Variants in DSTYK observed in about 807,000 individuals in gnomAD.
DSTYK encodes RIP-homologous kinase.
A neutral mutation model predicts 98.7 loss-of-function variants in DSTYK; 34 were observed. The observed-to-expected ratio is 0.34, with a 90% CI of 0.26 to 0.46. The LOEUF is 0.46. DSTYK is among the 20% of genes least tolerant of loss of function. The probability of loss-of-function intolerance (pLI) is 1.00; values close to 1 mark genes in which losing one functional copy is unlikely to be tolerated. For synonymous variants in DSTYK, 462 were observed against 457.3 expected, an observed-to-expected ratio of 1.01 and a Z score of -0.13; for missense variants, 962 against 1,181.7, an observed-to-expected ratio of 0.81 and a Z score of 2.73.
intron 1 of DSTYK, among the ~76,000 whole-genome samples, chr1:205,200,041 T>C (rs145802115): frequency 6.6e-6 from 1 of 152,222 alleles, no homozygotes; most frequent in African/African-American, 2.4e-5. Flanking sequence ...TCAACTCTTA[T>C]TCTTTTTTTT....
At chr1:205,152,799 T>C (rs185903281) in intron 10 of DSTYK, among the ~76,000 whole-genome samples, 7 of 152,214 alleles carry the variant, frequency 4.6e-5, no homozygotes, top group Non-Finnish European at 7.4e-5. Context: ...TTTGGAGCAT[T>C]TTGGATTTGT....
chr1:205,163,115 A>G, intron 4 of DSTYK, 109 bp from the exon 5 acceptor site: 1 of 905,592 alleles, frequency 1.1e-6, no homozygotes, highest in Non-Finnish European at 1.8e-6. Context: ...GGGTTTCCAA[A>G]CTTACCCCTC....
At chr1:205,200,922 T>G (rs1050734747) in intron 1 of DSTYK, among the ~76,000 whole-genome samples, 3 of 151,922 alleles carry the variant, frequency 2.0e-5, no homozygotes, top group Non-Finnish European at 4.4e-5. Flanking sequence ...TTTTTTTTTT[T>G]GAGACAGAGT....
intron 1 of DSTYK, among the ~76,000 whole-genome samples, chr1:205,193,822 G>A (rs1314832351): frequency 6.7e-6 from 1 of 148,210 alleles, no homozygotes; most frequent in Admixed American, 6.8e-5. Flanking sequence ...AGTGAGCCGA[G>A]ATAGTGCCAC....
chr1:205,148,136 G>C (rs1657298119), intron 12 of DSTYK, 69 bp downstream of exon 12: 1 of 1,596,862 alleles, frequency 6.3e-7, no homozygotes, highest in African/African-American at 1.3e-5. Flanking sequence ...AGGAGACCCG[G>C]TGACATTGCC....
intron 10 of DSTYK, among the ~76,000 whole-genome samples, chr1:205,154,084 T>C (rs989955959): frequency 6.2e-4 from 90 of 144,906 alleles, no homozygotes; most frequent in African/African-American, 2.1e-3. Flanking sequence ...TGTGTGTGTG[T>C]GCATGTATAG....
chr1:205,149,205 G>GT lies in DSTYK; in HGVS notation c.2468-867dup, dbSNP rs74891716. The stretch of plus-strand genomic sequence containing the variant: ...CATGAGCCACCGCACCTGGCCGAAA[G>GT]TTTTTTTTTTTTTAAGTAAATCAAG... On this transcript the variant is annotated intron_variant, in intron 11 of 12. Coordinates refer to ENST00000367162, the MANE Select transcript of DSTYK (RefSeq NM_015375.3). Among the ~76,000 whole-genome samples, 1,373 of 146,442 alleles carry GT rather than the reference G, an allele frequency of 9.4e-3. 12 individuals carry two copies. Among genetic ancestry groups the GT allele is most frequent in the African/African-American group, 0.028 (1,112 of 39,880 alleles).
rs1657814177 is a variant in DSTYK, at chr1:205,164,020, T to C, written c.1325-65A>G. On this transcript the variant is annotated intron_variant, in intron 3 of 12. Coordinates refer to ENST00000367162, the MANE Select transcript of DSTYK (RefSeq NM_015375.3). ...GAAGGGGCAGACACACTAAATAAAG[T>C]CATCTCCCAAATCAGAACCATGGAA... 2.9e-6 allele frequency: 4 copies of C among 1,371,364 alleles called. No individual in the cohort carries two copies. The East Asian group carries it at 9.2e-5, about 32-fold the overall frequency. The allele number at this position is 1,371,364 out of a possible 1,614,324, so 84.9% of individuals were successfully genotyped here. A position where few individuals can be genotyped will look rare whatever the true frequency, so the allele number is the denominator to read the frequency against.
At chr1:205,200,861 C>G (rs1044311032) in intron 1 of DSTYK, among the ~76,000 whole-genome samples, 3 of 152,130 alleles carry the variant, frequency 2.0e-5, no homozygotes, top group African/African-American at 7.2e-5. Context: ...TGCAACTGCA[C>G]CTACTACTTG....
At chr1:205,172,459 C>G (rs1489475478) in intron 2 of DSTYK, among the ~76,000 whole-genome samples, 1 of 108,562 alleles carries the variant, frequency 9.2e-6, no homozygotes, top group Non-Finnish European at 2.4e-5. Context: ...GCCACTACGC[C>G]CAGCTAATTT....
intron 2 of DSTYK, among the ~76,000 whole-genome samples, chr1:205,180,317 T>C (rs1021606011): frequency 2.8e-5 from 4 of 142,238 alleles, no homozygotes; most frequent in Non-Finnish European, 4.6e-5. Flanking sequence ...CTTGTGTCCA[T>C]GTGTTCTCAT....
chr1:205,206,711 T>C (rs533634799), intron 1 of DSTYK, among the ~76,000 whole-genome samples: 1 of 151,374 alleles, frequency 6.6e-6, no homozygotes, highest in African/African-American at 2.4e-5. Flanking sequence ...GCCTCCTGAG[T>C]AGCTGGCATA....
chr1:205,178,603 C>G (rs1341005005), intron 2 of DSTYK, among the ~76,000 whole-genome samples: 1 of 152,158 alleles, frequency 6.6e-6, no homozygotes, highest in Non-Finnish European at 1.5e-5. Flanking sequence ...AGAACGTTCT[C>G]TCTAATAAGA....
At chr1:205,162,885 A>G in intron 5 of DSTYK, 38 bp downstream of exon 5, 1 of 1,493,844 alleles carries the variant, frequency 6.7e-7, no homozygotes, top group Non-Finnish European at 9.3e-7. Flanking sequence ...TGAGCCAACT[A>G]GGGGCTTTGA....
chr1:205,200,260 A>T (rs1411440465), intron 1 of DSTYK, among the ~76,000 whole-genome samples: 1 of 152,046 alleles, frequency 6.6e-6, no homozygotes, highest in East Asian at 1.9e-4. Context: ...CTAGTCTTGA[A>T]CTACTAACCT....
At chr1:205,211,064 A>T (rs1574811043) in intron 1 of DSTYK, among the ~76,000 whole-genome samples, 1 of 152,080 alleles carries the variant, frequency 6.6e-6, no homozygotes, top group African/African-American at 2.4e-5. Flanking sequence ...CCGGTCCCCC[A>T]GCGGGCCCCT....
chr1:205,148,293 G>C lies in DSTYK; in HGVS notation c.2514C>G (p.Phe838Leu). ...SVDVYAFGILFWYICSGSVKL... is the reference protein window; with the variant it reads ...SVDVYAFGILLWYICSGSVKL... ...TGACAGAGCCTGAGCAGATATACCAGAAAAGAATTCCAAAAGCGTAGACAT... is the reference window on the plus strand; with the variant it reads ...TGACAGAGCCTGAGCAGATATACCACAAAAGAATTCCAAAAGCGTAGACAT... Residue 838 changes from phenylalanine to leucine, a missense_variant, in exon 12 of 13, where the codon TTC (phenylalanine) becomes TTG (leucine). By Grantham distance (22) the Phe-to-Leu change is conservative. This residue lies in a region of DSTYK where 69 missense variants were observed against 142.9 expected (regional missense o/e 0.48). Coordinates refer to ENST00000367162, the MANE Select transcript of DSTYK (RefSeq NM_015375.3). 3.7e-6 allele frequency: 6 copies of C among 1,614,096 alleles called. No homozygotes were observed. The highest frequency in any genetic ancestry group is 4.2e-6 in the Non-Finnish European group (5 of 1,179,996).
chr1:205,202,953 T>G (rs1659085965), intron 1 of DSTYK, among the ~76,000 whole-genome samples: 1 of 152,108 alleles, frequency 6.6e-6, no homozygotes, highest in African/African-American at 2.4e-5. Flanking sequence ...TGGAGAAAGA[T>G]TCCCTGTTCT....
chr1:205,148,959 G>A (rs1270315843), intron 11 of DSTYK, among the ~76,000 whole-genome samples: 1 of 150,216 alleles, frequency 6.7e-6, no homozygotes, highest in Non-Finnish European at 1.5e-5. Context: ...CTGGAGTGCA[G>A]TGGCATGATC....
Sources: gnomAD v4.1 joint callset for allele counts (sites outside exome capture counted in the v4.1 genomes callset) on GRCh38, gnomAD v4.1.1 for gene constraint, gnomAD v4.1.1 regional missense constraint, MANE v1.5 for transcripts, NCBI Gene and HGNC (gene_info 2026-07-23, HGNC 2026-07-21) for gene names.